Variants in MAPK4 observed in about 807,000 individuals in gnomAD.
The protein encoded by MAPK4 is mitogen-activated protein kinase 4.
In MAPK4, 22 loss-of-function variants were observed where a neutral mutation model predicts 47.7. The observed-to-expected ratio is 0.46, with a 90% CI of 0.33 to 0.66. MAPK4 has a LOEUF of 0.66. Among genes scored for constraint, MAPK4 ranks in the 30% least tolerant of loss-of-function variants. MAPK4 has a pLI of 0.02. For missense variants in MAPK4, 736 were observed against 831.7 expected (o/e 0.88, Z 1.42); for synonymous variants, 390 against 365.7 (o/e 1.07, Z -0.76).
At chr18:50,622,676 G>T (rs949733595) in intron 1 of MAPK4, among the ~76,000 whole-genome samples, 2 of 152,188 alleles carry the variant, frequency 1.3e-5, no homozygotes, top group Non-Finnish European at 2.9e-5. Context: ...CATGTCACAG[G>T]GTCCCTGATT....
At chr18:50,681,130 G>A (rs1210432452) in intron 2 of MAPK4, among the ~76,000 whole-genome samples, 1 of 151,760 alleles carries the variant, frequency 6.6e-6, no homozygotes, top group Admixed American at 6.6e-5. Context: ...GTTTCATTGT[G>A]GTTTTGATTT....
chr18:50,719,083 CAAAA>C (rs11356183), intron 3 of MAPK4, among the ~76,000 whole-genome samples: 2 of 124,310 alleles, frequency 1.6e-5, no homozygotes, highest in Admixed American at 8.7e-5. Context: ...GACTCCACCT[CAAAA>C]AAAAAAAAAA....
intron 5 of MAPK4, among the ~76,000 whole-genome samples, chr18:50,728,193 C>T (rs1911306092): frequency 6.6e-6 from 1 of 152,206 alleles, no homozygotes; most frequent in Non-Finnish European, 1.5e-5. Flanking sequence ...CCTCTGTGCT[C>T]CTGCCTGCCC....
rs202116209 is a variant in MAPK4, at chr18:50,729,819, G to T, written c.1729G>T (p.Val577Leu). Residue 577 changes from valine to leucine, a missense_variant, in exon 6 of 6, where the codon GTG becomes TTG. Val to Leu is a conservative substitution (Grantham distance 32, BLOSUM62 1). Coordinates refer to ENST00000400384, the MANE Select transcript of MAPK4 (RefSeq NM_002747.4). Reference protein sequence around the residue: ...ACIPEHPGDLVQTEAFSKERW With the variant: ...ACIPEHPGDLLQTEAFSKERW ...CATCCCCGAGCACCCTGGCGACCTC[G>T]TGCAGACCGAGGCCTTCTCCAAAGA... 6.2e-7 allele frequency: 1 copy of T among 1,612,134 alleles called. No individual in the cohort carries two copies. Among genetic ancestry groups the T allele is most frequent in the East Asian group, 2.2e-5 (1 of 44,850 alleles).
chr18:50,693,076 T>G (rs1449515379), intron 2 of MAPK4, among the ~76,000 whole-genome samples: 1 of 151,974 alleles, frequency 6.6e-6, no homozygotes, highest in Non-Finnish European at 1.5e-5. Context: ...GCCAACATGG[T>G]GAAACCCTGT....
At chr18:50,570,528 TCCATTCA>T (rs1467834371) in intron 1 of MAPK4, among the ~76,000 whole-genome samples, 180 of 152,300 alleles carry the variant, frequency 1.2e-3, no homozygotes, top group Non-Finnish European at 1.8e-3. Context: ...TAAGTTTCCT[TCCATTCA>T]AACTGGACCC....
intron 2 of MAPK4, among the ~76,000 whole-genome samples, chr18:50,673,325 G>A (rs573238335): frequency 2.6e-5 from 4 of 152,218 alleles, no homozygotes; most frequent in South Asian, 4.2e-4. Flanking sequence ...CCCCCTCTTC[G>A]GAAGCCCAGC....
intron 1 of MAPK4, among the ~76,000 whole-genome samples, chr18:50,633,662 G>A (rs1433237685): frequency 2.0e-5 from 3 of 152,132 alleles, no homozygotes; most frequent in African/African-American, 7.2e-5. Flanking sequence ...AGCCTTAAGT[G>A]GCTTTGCACT....
chr18:50,646,613 C>T (rs1426612570), intron 1 of MAPK4, among the ~76,000 whole-genome samples: 3 of 152,190 alleles, frequency 2.0e-5, no homozygotes, highest in Non-Finnish European at 4.4e-5. Context: ...AGGGCTCCAG[C>T]GAACCCAACC....
chr18:50,665,958 A>G (rs1356619575), intron 2 of MAPK4, among the ~76,000 whole-genome samples: 2 of 152,218 alleles, frequency 1.3e-5, no homozygotes, highest in African/African-American at 2.4e-5. Flanking sequence ...CTAAGGAGCA[A>G]TGACTCCAAA....
intron 2 of MAPK4, among the ~76,000 whole-genome samples, chr18:50,706,821 C>G (rs894458532): frequency 6.6e-6 from 1 of 152,140 alleles, no homozygotes; most frequent in Admixed American, 6.5e-5. Context: ...TCTACCCAGC[C>G]CAGCCACTGG....
chr18:50,590,066 G>A (rs1444341499), intron 1 of MAPK4, among the ~76,000 whole-genome samples: 1 of 152,196 alleles, frequency 6.6e-6, no homozygotes, highest in African/African-American at 2.4e-5. Context: ...GAACTTGATT[G>A]AGAAATGGCA....
intron 2 of MAPK4, among the ~76,000 whole-genome samples, chr18:50,708,378 C>T (rs1348267695): frequency 6.6e-6 from 1 of 152,130 alleles, no homozygotes; most frequent in African/African-American, 2.4e-5. Context: ...CAGTCTGCTG[C>T]TCGGTTTGAG....
At chr18:50,571,686 C>A (rs190615344) in intron 1 of MAPK4, among the ~76,000 whole-genome samples, 3 of 152,120 alleles carry the variant, frequency 2.0e-5, no homozygotes, top group Admixed American at 1.3e-4. Context: ...TCAAATTTTC[C>A]ATTTATGTGG....
At chr18:50,561,816 C>A (rs530268328) in intron 1 of MAPK4, among the ~76,000 whole-genome samples, 1 of 152,284 alleles carries the variant, frequency 6.6e-6, no homozygotes, top group Non-Finnish European at 1.5e-5. Context: ...TGCTCTGGAA[C>A]CTCTTTCCAA....
chr18:50,710,997 G>A (rs1275385853), intron 2 of MAPK4, among the ~76,000 whole-genome samples: 2 of 152,170 alleles, frequency 1.3e-5, no homozygotes, highest in Non-Finnish European at 2.9e-5. Context: ...ATCAGAACTG[G>A]TGCCCACCCA....
chr18:50,682,011 A>G (rs1365698086), intron 2 of MAPK4, among the ~76,000 whole-genome samples: 1 of 152,230 alleles, frequency 6.6e-6, no homozygotes, highest in East Asian at 1.9e-4. Context: ...TATGAAATGT[A>G]CAGAATAGGC....
Position 50,585,120 on chromosome 18 carries a change from T to G in MAPK4, c.-871+24877T>G, listed in dbSNP as rs12604710. Among the ~76,000 whole-genome samples, 68 of 152,328 alleles carry G rather than the reference T, an allele frequency of 4.5e-4. 2 individuals are homozygous for G. In the East Asian group the frequency reaches 0.012, roughly 27 times the overall value. On this transcript the variant is annotated intron_variant, in intron 1 of 5. Transcript: ENST00000400384. ...TAGGTTCTCAATCTACAGGATCACTTAGGATGCTTTAAAAATAATAAAGAT... is the reference window on the plus strand; with the variant it reads ...TAGGTTCTCAATCTACAGGATCACTGAGGATGCTTTAAAAATAATAAAGAT...
intron 1 of MAPK4, among the ~76,000 whole-genome samples, chr18:50,617,362 G>A (rs2042693709): frequency 6.6e-6 from 1 of 152,096 alleles, no homozygotes; most frequent in Non-Finnish European, 1.5e-5. Context: ...TGCTGCACAT[G>A]GCAGGAAAAT....
Sources: gnomAD v4.1 joint callset for allele counts (sites outside exome capture counted in the v4.1 genomes callset) on GRCh38, gnomAD v4.1.1 for gene constraint, MANE v1.5 for transcripts, NCBI Gene and HGNC (gene_info 2026-07-23, HGNC 2026-07-21) for gene names.